Variants in MAD1L1 observed in about 807,000 individuals in gnomAD.
The protein encoded by MAD1L1 is mitotic spindle assembly checkpoint protein MAD1.
Under a neutral mutation model 96.9 loss-of-function variants are expected in MAD1L1, and 95 were observed. The ratio of observed to expected loss-of-function variants is 0.98; its 90% CI spans 0.83 to 1.16. The LOEUF is 1.16. MAD1L1 is among the 50% of genes most tolerant of loss of function. The pLI, the probability that MAD1L1 is intolerant of heterozygous loss-of-function variation, is 0.00. For missense variants in MAD1L1, 1,007 were observed against 954.4 expected, an observed-to-expected ratio of 1.06 and a Z score of -0.73; for synonymous variants, 473 against 396.6, an observed-to-expected ratio of 1.19 and a Z score of -2.29.
intron 18 of MAD1L1, among the ~76,000 whole-genome samples, chr7:1,863,028 A>G (rs1784604315): frequency 6.6e-6 from 1 of 152,154 alleles, no homozygotes; most frequent in African/African-American, 2.4e-5. Flanking sequence ...CTGGTTGCTG[A>G]TTGTGGGGCC....
At chr7:2,019,442 C>G (rs1782683712) in intron 12 of MAD1L1, among the ~76,000 whole-genome samples, 2 of 152,250 alleles carry the variant, frequency 1.3e-5, no homozygotes, top group South Asian at 4.1e-4. Flanking sequence ...CAATCTGACA[C>G]AGACCAGCTG....
At chr7:1,949,069 A>G (rs1356538310) in intron 16 of MAD1L1, among the ~76,000 whole-genome samples, 2 of 142,224 alleles carry the variant, frequency 1.4e-5, no homozygotes, top group Non-Finnish European at 3.2e-5. Flanking sequence ...GCAAAGGAAA[A>G]GCCCAGCTGG....
chr7:2,070,661 C>G (rs778080082), intron 11 of MAD1L1, among the ~76,000 whole-genome samples: 1 of 152,230 alleles, frequency 6.6e-6, no homozygotes, highest in Non-Finnish European at 1.5e-5. Context: ...AAACTTCTTT[C>G]CAAAGGAAAT....
chr7:1,855,292 ACCCTAGGGTTCTCT>A (rs1452660894), intron 18 of MAD1L1, among the ~76,000 whole-genome samples: 7 of 151,640 alleles, frequency 4.6e-5, no homozygotes, highest in African/African-American at 1.7e-4. Context: ...TGCGGGCCAC[ACCCTAGGGTTCTCT>A]CCCTAGGGTT....
intron 18 of MAD1L1, among the ~76,000 whole-genome samples, chr7:1,896,941 C>T (rs1456616552): frequency 6.6e-6 from 1 of 152,220 alleles, no homozygotes; most frequent in East Asian, 1.9e-4. Context: ...TCAAAGTATA[C>T]AGAATTATAC....
At chr7:1,874,110 G>A (rs1028720444) in intron 18 of MAD1L1, among the ~76,000 whole-genome samples, 2 of 152,200 alleles carry the variant, frequency 1.3e-5, no homozygotes, top group African/African-American at 4.8e-5. Context: ...GGTGTTCCAG[G>A]CTCTCCATCT....
intron 18 of MAD1L1, chr7:1,849,712 G>A (rs1783858302): frequency 6.6e-6 from 1 of 152,202 alleles, no homozygotes; most frequent in East Asian, 1.9e-4. Context: ...GGTGTAAAGA[G>A]CCCCCTGGGG....
In MAD1L1 at chr7:1,939,086, C is replaced by A. The variant is rs542426941; in HGVS notation, c.1597-2189G>T. ...CACGGGCCAGAGCCGGGACCAGAGG[C>A]GCGCACACACACACGGGCCAGGGCC... On this transcript the variant is annotated intron_variant, in intron 16 of 18. Transcript: ENST00000265854. Among the ~76,000 whole-genome samples, 8 of 141,858 alleles carry A rather than the reference C, an allele frequency of 5.6e-5. No homozygotes were observed. In the South Asian group the frequency reaches 1.6e-3, roughly 28 times the overall value. The allele number at this position is 141,858 out of a possible 152,430, so 93.1% of individuals were successfully genotyped here. A position where few individuals can be genotyped will look rare whatever the true frequency, so the allele number is the denominator to read the frequency against.
At chr7:1,940,733 C>A (rs1329934501) in intron 16 of MAD1L1, among the ~76,000 whole-genome samples, 1 of 152,236 alleles carries the variant, frequency 6.6e-6, no homozygotes, top group Non-Finnish European at 1.5e-5. Flanking sequence ...CACGGAAACA[C>A]GAATCTGAAT....
intron 12 of MAD1L1, among the ~76,000 whole-genome samples, chr7:2,065,498 C>T (rs747652375): frequency 4.6e-5 from 7 of 152,170 alleles, no homozygotes; most frequent in Non-Finnish European, 8.8e-5. Context: ...CCCCAGGCAG[C>T]GAGGACGTGG....
intron 18 of MAD1L1, chr7:1,874,677 C>T: frequency 5.3e-6 from 2 of 376,062 alleles, no homozygotes; most frequent in South Asian, 4.1e-5. Context: ...CGCAGCACAC[C>T]ACCTGCTACC....
chr7:1,866,614 C>T (rs533838369), intron 18 of MAD1L1, among the ~76,000 whole-genome samples: 6 of 152,298 alleles, frequency 3.9e-5, no homozygotes, highest in South Asian at 4.1e-4. Flanking sequence ...CGGGAGGCTG[C>T]GGACAGGCAG....
intron 17 of MAD1L1, among the ~76,000 whole-genome samples, chr7:1,930,986 T>G (rs919912642): frequency 2.6e-5 from 4 of 152,066 alleles, no homozygotes; most frequent in African/African-American, 9.7e-5. Context: ...GCAGGCAGCC[T>G]ACCCACGGTC....
chr7:1,913,873 C>A (rs148993957), intron 17 of MAD1L1, among the ~76,000 whole-genome samples: 1 of 152,158 alleles, frequency 6.6e-6, no homozygotes, highest in African/African-American at 2.4e-5. Context: ...GGAAACGCCA[C>A]AGACTCAGTC....
intron 13 of MAD1L1, among the ~76,000 whole-genome samples, chr7:2,004,399 G>A (rs1365539668): frequency 6.6e-6 from 1 of 152,262 alleles, no homozygotes; most frequent in Non-Finnish European, 1.5e-5. Flanking sequence ...ACCGGCCTCA[G>A]GTGACAGCTA....
intron 10 of MAD1L1, among the ~76,000 whole-genome samples, chr7:2,160,356 A>G (rs1376651305): frequency 7.5e-6 from 1 of 133,484 alleles, no homozygotes; most frequent in Non-Finnish European, 1.6e-5. Flanking sequence ...TTTTTGAGAC[A>G]GAGTCTCACT....
At chr7:1,887,821 A>AT (rs1186559648) in intron 18 of MAD1L1, among the ~76,000 whole-genome samples, 2 of 29,980 alleles carry the variant, frequency 6.7e-5, no homozygotes, top group Non-Finnish European at 1.1e-4. Context: ...GTGTGTGTGC[A>AT]TGTGTGCATG....
chr7:2,131,661 T>A (rs571675106), intron 11 of MAD1L1, among the ~76,000 whole-genome samples: 55 of 152,278 alleles, frequency 3.6e-4, no homozygotes, highest in African/African-American at 1.1e-3. Flanking sequence ...CAGGTTCTCA[T>A]CCAGAGAGCA....
chr7:1,838,821 C>T (rs1203650483), intron 18 of MAD1L1: 2 of 471,428 alleles, frequency 4.2e-6, no homozygotes, highest in South Asian at 3.1e-5. Flanking sequence ...ACGGGGTGAA[C>T]GTCCTGCCAT....
Sources: allele counts gnomAD v4.1 joint callset (sites outside exome capture counted in the v4.1 genomes callset), GRCh38; gene constraint gnomAD v4.1.1; transcripts MANE v1.5; gene names NCBI Gene and HGNC (gene_info 2026-07-23, HGNC 2026-07-21).